HOMER1: variants seen among roughly 807,000 people sequenced by gnomAD.
HOMER1 encodes the protein homer scaffold protein 1.
In HOMER1, 3 loss-of-function variants were observed where a neutral mutation model predicts 48.9. The ratio of observed to expected loss-of-function variants is 0.06; its 90% CI spans 0.03 to 0.16. The LOEUF (loss-of-function observed/expected upper bound fraction) is 0.16. Among genes scored for constraint, HOMER1 ranks in the 10% least tolerant of loss-of-function variants. HOMER1 has a pLI of 1.00. For missense variants in HOMER1, 247 were observed against 411.4 expected, an observed-to-expected ratio of 0.60 and a Z score of 3.46; for synonymous variants, 134 against 146.4, an observed-to-expected ratio of 0.92 and a Z score of 0.61.
At position 79,375,888 on chromosome 5, in the gene HOMER1, G is replaced by A. The variant is rs1748757572; in HGVS notation, c.*121C>T. 1.9e-6 allele frequency: 1 copy of A among 517,824 alleles called. No individual in the cohort carries two copies. The highest frequency in any genetic ancestry group is 2.0e-5 in the African/African-American group (1 of 50,552). The allele number at this position is 517,824 out of a possible 1,614,324, so 32.1% of individuals were successfully genotyped here. ...TCCAATTTCAAAAGATCCTCCTCCT[G>A]GAGGAGTGATATTCAATTTTTTTTT... On this transcript the variant is annotated 3_prime_UTR_variant, in exon 9 of 9. Transcript: ENST00000334082.
rs141096352 is a variant in HOMER1, at chr5:79,390,321, A to C, written c.876+6502T>G. 3.3e-5 allele frequency among the ~76,000 whole-genome samples: 5 copies of C among 152,142 alleles called. No individual in the cohort carries two copies. The East Asian group carries it at 9.7e-4, about 29-fold the overall frequency. On this transcript the variant is annotated intron_variant, in intron 8 of 8. Transcript: ENST00000334082. ...AACAAACAAACAAACAAAAACCCCC[A>C]AAAAACAAACCAGACAGTATACGTT...
chr5:79,460,558 G>C (rs1751291911), intron 1 of HOMER1, among the ~76,000 whole-genome samples: 2 of 152,190 alleles, frequency 1.3e-5, no homozygotes, highest in African/African-American at 4.8e-5. Flanking sequence ...TTAGGGAACA[G>C]GATGAAGATG....
rs570693999 is a variant in HOMER1, at chr5:79,422,297, ATAAAT to A, written c.527+16708_527+16712del. Among the ~76,000 whole-genome samples the A allele has an allele frequency of 1.2e-3, 181 of 152,312 alleles. 1 individual carries two copies. The South Asian group carries it at 0.019, about 16-fold the overall frequency. On this transcript the variant is annotated intron_variant, in intron 5 of 8. Transcript: ENST00000334082. ...CTGAAATACACAGTTATTTTCTTAA[ATAAAT>A]TAAATGCCTACAGACTCAATACTCA...
At chr5:79,427,387 T>TTTGTTTTTTGG (rs1172493899) in intron 5 of HOMER1, among the ~76,000 whole-genome samples, 1 of 152,080 alleles carries the variant, frequency 6.6e-6, no homozygotes, top group Non-Finnish European at 1.5e-5. Context: ...TTTGTATTTG[T>TTTGTTTTTTGG]TTGTTTTTTG....
At chr5:79,443,317 A>G (rs1353990917) in intron 4 of HOMER1, among the ~76,000 whole-genome samples, 2 of 152,206 alleles carry the variant, frequency 1.3e-5, no homozygotes, top group African/African-American at 2.4e-5. Context: ...ATTCTACAAT[A>G]TAATATAATA....
intron 1 of HOMER1, among the ~76,000 whole-genome samples, chr5:79,467,042 G>A (rs946520276): frequency 4.6e-5 from 7 of 151,978 alleles, no homozygotes; most frequent in Non-Finnish European, 7.4e-5. Context: ...TGCCTGCCTC[G>A]GCCTCCCAAT....
chr5:79,484,361 A>G (rs1420732498), intron 1 of HOMER1, among the ~76,000 whole-genome samples: 2 of 152,192 alleles, frequency 1.3e-5, no homozygotes, highest in East Asian at 1.9e-4. Flanking sequence ...CAGAACATAC[A>G]TAAGATGGTA....
At chr5:79,425,716 TG>T (rs1750229412) in intron 5 of HOMER1, among the ~76,000 whole-genome samples, 1 of 152,036 alleles carries the variant, frequency 6.6e-6, no homozygotes, top group Non-Finnish European at 1.5e-5. Flanking sequence ...TAACATTCCA[TG>T]ACATGGTTCT....
intron 4 of HOMER1, among the ~76,000 whole-genome samples, chr5:79,440,778 G>C (rs934457086): frequency 1.3e-5 from 2 of 152,148 alleles, no homozygotes; most frequent in South Asian, 2.1e-4. Context: ...CTCCAAGACA[G>C]GCCAAGCCAA....
intron 1 of HOMER1, among the ~76,000 whole-genome samples, chr5:79,506,122 TTA>T (rs1274132063): frequency 6.8e-5 from 6 of 87,668 alleles, no homozygotes; most frequent in African/African-American, 2.4e-4. Context: ...ATTTATTTAT[TTA>T]TTTTTTTGAG....
In HOMER1 at chr5:79,372,747, C is replaced by T. The variant is rs1246200821; in HGVS notation, c.*3262G>A. The T allele has an allele frequency of 6.6e-6, 1 of 152,052 alleles. No homozygotes were observed. Among genetic ancestry groups the T allele is most frequent in the Non-Finnish European group, 1.5e-5 (1 of 68,002 alleles). 9.4% of individuals were successfully genotyped at this position (152,052 alleles called of 1,614,324 possible). A position where few individuals can be genotyped will look rare whatever the true frequency, so the allele number is the denominator to read the frequency against. Reference sequence around the variant, plus strand: ...TCAGGACCACAAGGAGATAAATGACCGAAGTGTATATGCTTCAGTTAAATA... The same window carrying T: ...TCAGGACCACAAGGAGATAAATGACTGAAGTGTATATGCTTCAGTTAAATA... On this transcript the variant is annotated 3_prime_UTR_variant, in exon 9 of 9. Coordinates refer to ENST00000334082, the MANE Select transcript of HOMER1 (RefSeq NM_004272.5).
chr5:79,418,261 C>T (rs912599397), intron 5 of HOMER1, among the ~76,000 whole-genome samples: 5 of 152,108 alleles, frequency 3.3e-5, no homozygotes, highest in African/African-American at 9.7e-5. Flanking sequence ...GAATACAGCC[C>T]AGAATCAATA....
intron 1 of HOMER1, among the ~76,000 whole-genome samples, chr5:79,496,010 A>T (rs1752411512): frequency 6.6e-6 from 1 of 152,252 alleles, no homozygotes; most frequent in Non-Finnish European, 1.5e-5. Context: ...AAGACTGTAA[A>T]AAGCAGCAGC....
At chr5:79,483,445 C>A (rs1752002541) in intron 1 of HOMER1, among the ~76,000 whole-genome samples, 1 of 151,526 alleles carries the variant, frequency 6.6e-6, no homozygotes, top group African/African-American at 2.4e-5. Context: ...ACTAAATGCA[C>A]TGAATTGCAC....
At chr5:79,464,863 T>C (rs1437894090) in intron 1 of HOMER1, among the ~76,000 whole-genome samples, 1 of 152,228 alleles carries the variant, frequency 6.6e-6, no homozygotes, top group Non-Finnish European at 1.5e-5. Context: ...GCAAAGGTTT[T>C]TCTGCTAATG....
chr5:79,402,796 A>C lies in HOMER1; in HGVS notation c.528-741T>G, dbSNP rs1314889603. On this transcript the variant is annotated intron_variant, in intron 5 of 8. Coordinates refer to ENST00000334082, the MANE Select transcript of HOMER1 (RefSeq NM_004272.5). ...ACATATGAGGATGCTTAAATGTCAT[A>C]AGGTTTGGGATATGTAATGTAGTAT... Among the ~76,000 whole-genome samples the C allele has an allele frequency of 2.0e-5, 3 of 152,180 alleles. No homozygotes were observed. The East Asian group carries it at 5.8e-4, about 29-fold the overall frequency.
chr5:79,413,812 T>C (rs553912661), intron 5 of HOMER1, among the ~76,000 whole-genome samples: 58 of 152,140 alleles, frequency 3.8e-4, no homozygotes, highest in Non-Finnish European at 5.3e-4. Flanking sequence ...TTCAACAGTT[T>C]AGGGTCTGAA....
At chr5:79,485,496 C>T (rs1222645575) in intron 1 of HOMER1, among the ~76,000 whole-genome samples, 1 of 152,134 alleles carries the variant, frequency 6.6e-6, no homozygotes, top group East Asian at 1.9e-4. Flanking sequence ...TTTTTTTCCA[C>T]AAAGTTTGGA....
intron 8 of HOMER1, among the ~76,000 whole-genome samples, chr5:79,378,639 A>G (rs1380262381): frequency 6.6e-6 from 1 of 152,150 alleles, no homozygotes; most frequent in Non-Finnish European, 1.5e-5. Flanking sequence ...TTGCCTACTT[A>G]AACAATAAGC....
Sources: gnomAD v4.1 joint callset for allele counts (sites outside exome capture counted in the v4.1 genomes callset) on GRCh38, gnomAD v4.1.1 for gene constraint, MANE v1.5 for transcripts, NCBI Gene and HGNC (gene_info 2026-07-23, HGNC 2026-07-21) for gene names.